The following ZBTB20 variants were observed in gnomAD, a reference collection of about 807,000 sequenced individuals.
ZBTB20 encodes the protein zinc finger and BTB domain containing 20.
A neutral mutation model predicts 56.9 loss-of-function variants in ZBTB20; 9 were observed. The observed-to-expected ratio is 0.16, with a 90% CI of 0.10 to 0.28. The LOEUF (loss-of-function observed/expected upper bound fraction) is 0.28, where lower values mean the gene tolerates loss of function less well. Ranked by LOEUF, ZBTB20 falls within the 10% of genes least tolerant of loss-of-function variation. The probability of loss-of-function intolerance (pLI) is 1.00; values close to 1 mark genes in which losing one functional copy is unlikely to be tolerated. For missense variants in ZBTB20, 655 were observed against 1,003.0 expected, an observed-to-expected ratio of 0.65 and a Z score of 4.69; for synonymous variants, 417 against 420.7, an observed-to-expected ratio of 0.99 and a Z score of 0.11.
chr3:114,679,814 C>A (rs1237311015), intron 6 of ZBTB20, among the ~76,000 whole-genome samples: 1 of 152,118 alleles, frequency 6.6e-6, no homozygotes, highest in Non-Finnish European at 1.5e-5. Flanking sequence ...ATAAATCATT[C>A]TACTATAAAG....
At chr3:114,868,592 G>C (rs2075866086) in intron 4 of ZBTB20, among the ~76,000 whole-genome samples, 1 of 152,156 alleles carries the variant, frequency 6.6e-6, no homozygotes, top group African/African-American at 2.4e-5. Flanking sequence ...AAACAGAAAT[G>C]TAAGTCTGCT....
intron 7 of ZBTB20, among the ~76,000 whole-genome samples, chr3:114,478,660 AC>A (rs1254159456): frequency 1.3e-5 from 2 of 152,204 alleles, no homozygotes; most frequent in African/African-American, 4.8e-5. Flanking sequence ...TACATATTTT[AC>A]TTTAAATATG....
intron 4 of ZBTB20, among the ~76,000 whole-genome samples, chr3:114,868,941 G>T (rs1036281802): frequency 5.3e-5 from 8 of 151,876 alleles, no homozygotes; most frequent in African/African-American, 9.7e-5. Flanking sequence ...GCAGGAAAAA[G>T]GTTCCATATG....
rs1306279903 is a variant in ZBTB20 at position 114,317,117 on chromosome 3, T to C, written c.*21888A>G. 1.3e-5 allele frequency: 2 copies of C among 152,842 alleles called. No individual in the cohort carries two copies. Among genetic ancestry groups the C allele is most frequent in the Non-Finnish European group, 2.9e-5 (2 of 68,470 alleles). 9.5% of individuals were successfully genotyped at this position (152,842 alleles called of 1,614,324 possible). Reference sequence around the variant, plus strand: ...ATATGTCCCCACGCCTAAGGCTGACTTCTGTGTCAGCTTCTTGTGGGTATG... The same window carrying C: ...ATATGTCCCCACGCCTAAGGCTGACCTCTGTGTCAGCTTCTTGTGGGTATG... On this transcript the variant is annotated 3_prime_UTR_variant, in exon 12 of 12. Transcript: ENST00000675478.
At position 114,958,886 on chromosome 3, in the gene ZBTB20, A is replaced by G. The variant is rs75071559; in HGVS notation, c.-456+15480T>C. On this transcript the variant is annotated intron_variant, in intron 3 of 11. Transcript: ENST00000675478. ...AAAAAGAAAGAAAAAGAAAGTAATAATAGGCATTTTGAAGACTTCAGGAGA... is the reference window on the plus strand; with the variant it reads ...AAAAAGAAAGAAAAAGAAAGTAATAGTAGGCATTTTGAAGACTTCAGGAGA... Among the ~76,000 whole-genome samples the G allele has an allele frequency of 7.0e-3, 1,063 of 152,122 alleles. 26 individuals carry two copies. Among genetic ancestry groups the G allele is most frequent in the African/African-American group, 0.024 (1,017 of 41,522 alleles).
At chr3:114,696,840 T>C (rs554804814) in intron 5 of ZBTB20, among the ~76,000 whole-genome samples, 104 of 152,048 alleles carry the variant, frequency 6.8e-4, no homozygotes, top group Non-Finnish European at 8.0e-4. Context: ...AGAGATTTAT[T>C]GTACATTTGA....
At chr3:114,893,622 T>C (rs1437921715) in intron 4 of ZBTB20, among the ~76,000 whole-genome samples, 2 of 152,060 alleles carry the variant, frequency 1.3e-5, no homozygotes, top group Non-Finnish European at 2.9e-5. Flanking sequence ...GTTCCCAATT[T>C]TGTGACTCTT....
At chr3:114,385,170 A>T (rs1054122369) in intron 8 of ZBTB20, among the ~76,000 whole-genome samples, 3 of 152,084 alleles carry the variant, frequency 2.0e-5, no homozygotes, top group Non-Finnish European at 4.4e-5. Context: ...GGAACCTCCT[A>T]TTGGCTCATG....
chr3:114,436,233 C>T (rs2090506906), intron 7 of ZBTB20, among the ~76,000 whole-genome samples: 1 of 151,994 alleles, frequency 6.6e-6, no homozygotes, highest in Non-Finnish European at 1.5e-5. Flanking sequence ...TTGATGAGTG[C>T]AGGAGCAACA....
At chr3:114,943,629 T>G (rs2076792690) in intron 3 of ZBTB20, among the ~76,000 whole-genome samples, 1 of 145,106 alleles carries the variant, frequency 6.9e-6, no homozygotes, top group South Asian at 2.1e-4. Flanking sequence ...ATCCAAGTTG[T>G]GAACTTGAAA....
chr3:114,835,808 T>C (rs1358136982), intron 4 of ZBTB20, among the ~76,000 whole-genome samples: 1 of 152,214 alleles, frequency 6.6e-6, no homozygotes, highest in Non-Finnish European at 1.5e-5. Context: ...TTTTTTCTTT[T>C]TTTGTAAATC....
chr3:114,779,908 C>T (rs1275184739), intron 5 of ZBTB20, among the ~76,000 whole-genome samples: 1 of 152,186 alleles, frequency 6.6e-6, no homozygotes, highest in African/African-American at 2.4e-5. Context: ...CTTGATTACA[C>T]ACTTAGGTCT....
intron 7 of ZBTB20, among the ~76,000 whole-genome samples, chr3:114,391,122 C>T (rs185253317): frequency 5.6e-4 from 86 of 152,272 alleles, no homozygotes; most frequent in African/African-American, 1.9e-3. Flanking sequence ...GTGAGGACAT[C>T]TATGAAAAGC....
At chr3:114,426,337 C>CAAAAAAAAAAAAA (rs60778829) in intron 7 of ZBTB20, among the ~76,000 whole-genome samples, 1 of 109,544 alleles carries the variant, frequency 9.1e-6, no homozygotes, top group African/African-American at 4.3e-5. Context: ...GACTCCATCT[C>CAAAAAAAAAAAAA]AAAAAAAAAA....
intron 4 of ZBTB20, among the ~76,000 whole-genome samples, chr3:114,840,943 TA>T (rs1214385817): frequency 6.6e-6 from 1 of 152,174 alleles, no homozygotes; most frequent in Non-Finnish European, 1.5e-5. Flanking sequence ...TGAAAAAAAT[TA>T]AAAATTTTAA....
Position 114,351,893 on chromosome 3 carries a change from C to A in ZBTB20, c.200-15G>T. 1 of 1,575,098 alleles carries A rather than the reference C, an allele frequency of 6.3e-7. No individual in the cohort carries two copies. Among genetic ancestry groups the A allele is most frequent in the Middle Eastern group, 1.7e-4 (1 of 5,916 alleles). On this transcript the variant is annotated splice_polypyrimidine_tract_variant and intron_variant, in intron 10 of 11. Coordinates refer to ENST00000675478, the MANE Select transcript of ZBTB20 (RefSeq NM_001348800.3). The stretch of plus-strand genomic sequence containing the variant: ...ACTGATGTCACCTGCAGCATGTCAA[C>A]GCAGACACAAAACAGGGCATGGGTC...
intron 6 of ZBTB20, among the ~76,000 whole-genome samples, chr3:114,681,880 T>C (rs1342389065): frequency 6.6e-6 from 1 of 152,162 alleles, no homozygotes. Context: ...TTAACCATCA[T>C]GCTATATTGC....
In ZBTB20 at chr3:114,952,421, AAT is replaced by A. The variant is rs531519465; in HGVS notation, c.-456+21943_-456+21944del. 5.5e-4 allele frequency among the ~76,000 whole-genome samples: 84 copies of A among 152,164 alleles called. 2 individuals are homozygous for A. In the South Asian group the frequency reaches 0.017, roughly 30 times the overall value. On this transcript the variant is annotated intron_variant, in intron 3 of 11. Transcript: ENST00000675478. ...AGCTTTTAGAACTGTGAGCCAAATA[AAT>A]ATGTCTGTTCTGTATTAATTATCCA... is the stretch of plus-strand genomic sequence containing the variant.
intron 7 of ZBTB20, among the ~76,000 whole-genome samples, chr3:114,423,107 T>C (rs1404444818): frequency 6.6e-6 from 1 of 152,208 alleles, no homozygotes; most frequent in East Asian, 1.9e-4. Context: ...CATTCTCAAA[T>C]TTGATTTAAC....
Sources: allele counts gnomAD v4.1 joint callset (sites outside exome capture counted in the v4.1 genomes callset), GRCh38; gene constraint gnomAD v4.1.1; transcripts MANE v1.5; gene names NCBI Gene and HGNC (gene_info 2026-07-23, HGNC 2026-07-21).